Variants in COL19A1 observed in about 807,000 individuals in gnomAD.
The protein encoded by COL19A1 is collagen alpha-1(XIX) chain.
In COL19A1, 159 loss-of-function variants were observed where a neutral mutation model predicts 190.2. That is an observed-to-expected ratio of 0.84 (90% CI 0.73 to 0.95). The LOEUF (loss-of-function observed/expected upper bound fraction) is 0.95, where lower values mean the gene tolerates loss of function less well. COL19A1 is among the 40% of genes least tolerant of loss of function. The pLI is 0.00. For synonymous variants in COL19A1, 509 were observed against 458.9 expected (o/e 1.11, Z -1.39); for missense variants, 1,418 against 1,431.9 (o/e 0.99, Z 0.16).
chr6:70,150,126 C>A, intron 30 of COL19A1, 81 bp downstream of exon 30: 1 of 1,397,510 alleles, frequency 7.2e-7, no homozygotes, highest in Non-Finnish European at 1.0e-6. Context: ...GTTTTGCTGT[C>A]CAAACTAATT....
chr6:70,037,488 T>C (rs1435155693), intron 14 of COL19A1, among the ~76,000 whole-genome samples: 2 of 152,204 alleles, frequency 1.3e-5, no homozygotes, highest in African/African-American at 4.8e-5. Flanking sequence ...AAAAAAATTA[T>C]TTAGCAGTGA....
chr6:70,093,917 G>A (rs1203036290), intron 15 of COL19A1, among the ~76,000 whole-genome samples: 1 of 152,100 alleles, frequency 6.6e-6, no homozygotes, highest in Non-Finnish European at 1.5e-5. Flanking sequence ...CTGGAATGAA[G>A]TAATTTAAAA....
Position 70,154,113 on chromosome 6 carries a change from C to A in COL19A1, c.2080-2014C>A, listed in dbSNP as rs956224655. 2.9e-4 allele frequency among the ~76,000 whole-genome samples: 43 copies of A among 149,572 alleles called. 2 individuals are homozygous for A. The highest frequency in any genetic ancestry group is 1.0e-3 in the African/African-American group (42 of 40,260). ...CTAATGCTATCCCTCCCCTACCCCC[C>A]CCAACCCCCCACAGGCCCCAGTGTG... On this transcript the variant is annotated intron_variant, in intron 31 of 50. Transcript: ENST00000620364.
At chr6:70,093,790 C>G (rs1783077106) in intron 15 of COL19A1, among the ~76,000 whole-genome samples, 1 of 152,146 alleles carries the variant, frequency 6.6e-6, no homozygotes, top group South Asian at 2.1e-4. Context: ...AACTGTAGCT[C>G]AAGAGGTTTA....
At position 69,951,868 on chromosome 6, in the gene COL19A1, A is replaced by G. The variant is rs532060405; in HGVS notation, c.937-8128A>G. 6.6e-5 allele frequency among the ~76,000 whole-genome samples: 10 copies of G among 151,986 alleles called. No individual in the cohort carries two copies. In the East Asian group the frequency reaches 1.9e-3, roughly 29 times the overall value. On this transcript the variant is annotated intron_variant, in intron 9 of 50. Coordinates refer to ENST00000620364, the MANE Select transcript of COL19A1 (RefSeq NM_001858.6). Reference sequence around the variant, plus strand: ...TTGGTACGGAGAAAATAGTAGAGTCAGGATTTGAACCTCTATCCATGGAAA... The same window carrying G: ...TTGGTACGGAGAAAATAGTAGAGTCGGGATTTGAACCTCTATCCATGGAAA...
At chr6:70,059,580 G>A (rs10945195) in intron 14 of COL19A1, among the ~76,000 whole-genome samples, 8,113 of 152,200 alleles carry the variant, frequency 0.053, 705 homozygotes, top group African/African-American at 0.19. Flanking sequence ...CATTGTAATA[G>A]CTATCCACTG....
At position 69,959,992 on chromosome 6, in the gene COL19A1, T is replaced by A. The variant is rs771191014; in HGVS notation, c.937-4T>A. The A allele has an allele frequency of 3.3e-5, 54 of 1,613,140 alleles. No homozygotes were observed. Among genetic ancestry groups the A allele is most frequent in the Non-Finnish European group, 4.5e-5 (53 of 1,179,662 alleles). On this transcript the variant is annotated splice_region_variant and splice_polypyrimidine_tract_variant and intron_variant, in intron 9 of 50. Transcript: ENST00000620364. ...ATAAACATTATTCTGTGTACTTCTT[T>A]TAGGGTGAAAATGGTTTACATGGTG...
At position 70,207,149 on chromosome 6, in the gene COL19A1, C is replaced by G. The variant is rs756788561; in HGVS notation, c.3304C>G (p.Leu1102Val). The change falls in exon 51 of 51, where the codon CTG (leucine) becomes GTG (valine). Residue 1102 changes from leucine to valine, a missense_variant and splice_region_variant. Leu to Val is a conservative substitution (Grantham distance 32). Transcript: ENST00000620364. Reference sequence around the variant, plus strand: ...TAATTTTTTTTTTATGTCGTTAGCTCTGGGTTTGCCAGGCTCACCAGGTGC... The same window carrying G: ...TAATTTTTTTTTTATGTCGTTAGCTGTGGGTTTGCCAGGCTCACCAGGTGC... ...GSPGLPGTSALGLPGSPGAPG... is the reference protein window; with the variant it reads ...GSPGLPGTSAVGLPGSPGAPG... 1 of 1,612,946 alleles carries G rather than the reference C, an allele frequency of 6.2e-7. No individual in the cohort carries two copies. Among genetic ancestry groups the G allele is most frequent in the Admixed American group, 1.7e-5 (1 of 59,726 alleles).
At chr6:70,114,408 A>G (rs1784450368) in intron 16 of COL19A1, among the ~76,000 whole-genome samples, 1 of 152,190 alleles carries the variant, frequency 6.6e-6, no homozygotes, top group Non-Finnish European at 1.5e-5. Flanking sequence ...TACTATTTAT[A>G]TGACCTTGAG....
intron 49 of COL19A1, among the ~76,000 whole-genome samples, chr6:70,205,143 G>T (rs1323266285): frequency 6.6e-6 from 1 of 152,076 alleles, no homozygotes; most frequent in Non-Finnish European, 1.5e-5. Flanking sequence ...TTTCCTGCTG[G>T]TGGGTGTATT....
intron 15 of COL19A1, among the ~76,000 whole-genome samples, chr6:70,094,627 C>T (rs1196763001): frequency 4.6e-5 from 7 of 152,154 alleles, no homozygotes; most frequent in Non-Finnish European, 8.8e-5. Context: ...TATTTGCATT[C>T]TTCTCTTCTT....
At position 69,936,914 on chromosome 6, in the gene COL19A1, T is replaced by C; in HGVS notation, c.873+4T>C. 1.9e-6 allele frequency: 3 copies of C among 1,612,564 alleles called. No individual in the cohort carries two copies. Among genetic ancestry groups the C allele is most frequent in the Admixed American group, 1.7e-5 (1 of 59,924 alleles). ...GTGCCAGTGCATTCCAAACAAGGTATGCTAGTTTTAATTGGTGCACACTGA... is the reference window on the plus strand; with the variant it reads ...GTGCCAGTGCATTCCAAACAAGGTACGCTAGTTTTAATTGGTGCACACTGA... On this transcript the variant is annotated splice_donor_region_variant and intron_variant, in intron 8 of 50. Transcript: ENST00000620364.
intron 40 of COL19A1, among the ~76,000 whole-genome samples, chr6:70,171,152 T>G (rs1207748964): frequency 6.6e-6 from 1 of 152,230 alleles, no homozygotes. Context: ...GGAGATCTTT[T>G]TGTGTGTGAT....
At chr6:70,040,853 T>G (rs1779602121) in intron 14 of COL19A1, among the ~76,000 whole-genome samples, 1 of 152,222 alleles carries the variant, frequency 6.6e-6, no homozygotes, top group African/African-American at 2.4e-5. Flanking sequence ...TGATATGACG[T>G]TAATAAACTT....
chr6:69,971,845 A>G (rs1334313674), intron 11 of COL19A1, among the ~76,000 whole-genome samples: 3 of 152,134 alleles, frequency 2.0e-5, no homozygotes, highest in Non-Finnish European at 1.5e-5. Flanking sequence ...GTCACCTCCT[A>G]GTTAATCTCC....
At chr6:70,104,879 A>G (rs1783858430) in intron 16 of COL19A1, among the ~76,000 whole-genome samples, 1 of 152,170 alleles carries the variant, frequency 6.6e-6, no homozygotes, top group South Asian at 2.1e-4. Flanking sequence ...GATTACACCG[A>G]ATTCTGGAAT....
rs773259939 is a variant in COL19A1 at position 70,199,745 on chromosome 6, T to C, written c.3223+9T>C. 6.3e-7 allele frequency: 1 copy of C among 1,598,888 alleles called. No individual in the cohort carries two copies. The highest frequency in any genetic ancestry group is 1.1e-5 in the South Asian group (1 of 87,800). ...AGACCCTGGACCCCAAGGTAAGTCT[T>C]CAAGTGTAATATTGGCTTATTGATT... On this transcript the variant is annotated intron_variant, in intron 49 of 50. Transcript: ENST00000620364.
At chr6:70,083,906 T>C (rs931608110) in intron 15 of COL19A1, among the ~76,000 whole-genome samples, 18 of 152,128 alleles carry the variant, frequency 1.2e-4, no homozygotes, top group African/African-American at 4.3e-4. Context: ...GGGCTAAAAC[T>C]GATTATATAA....
intron 19 of COL19A1, among the ~76,000 whole-genome samples, chr6:70,138,363 T>C (rs769639805): frequency 1.3e-5 from 2 of 152,118 alleles, no homozygotes; most frequent in African/African-American, 4.8e-5. Context: ...AACCCTACAG[T>C]ATCATTTATA....
Sources: gnomAD v4.1 joint callset for allele counts (sites outside exome capture counted in the v4.1 genomes callset) on GRCh38, gnomAD v4.1.1 for gene constraint, MANE v1.5 for transcripts, NCBI Gene and HGNC (gene_info 2026-07-23, HGNC 2026-07-21) for gene names.